GOLGA3: variants seen among roughly 807,000 people sequenced by gnomAD.
The protein encoded by GOLGA3 is golgin A3.
Under a neutral mutation model 169.4 loss-of-function variants are expected in GOLGA3, and 75 were observed. That is an observed-to-expected ratio of 0.44 (90% CI 0.37 to 0.54). The LOEUF is 0.54. Among genes scored for constraint, GOLGA3 ranks in the 20% least tolerant of loss-of-function variants. The probability of loss-of-function intolerance (pLI) is 0.00; values close to 1 mark genes in which losing one functional copy is unlikely to be tolerated. For missense variants in GOLGA3, 1,899 were observed against 1,930.0 expected (o/e 0.98, Z 0.30); for synonymous variants, 824 against 822.4 (o/e 1.00, Z -0.03).
chr12:132,797,996 G>T lies in GOLGA3; in HGVS notation c.1938+344C>A, dbSNP rs1406217484. On this transcript the variant is annotated intron_variant, in intron 9 of 23. Coordinates refer to ENST00000450791, the MANE Select transcript of GOLGA3 (RefSeq NM_001389683.1). The stretch of plus-strand genomic sequence containing the variant: ...CCACTCTGTACCCAGCGCCATCCCT[G>T]ACTGGCAATGACTGACAGCCGGGGG... 2.0e-5 allele frequency among the ~76,000 whole-genome samples: 3 copies of T among 152,232 alleles called. No homozygotes were observed. The East Asian group carries it at 5.8e-4, about 29-fold the overall frequency.
intron 11 of GOLGA3, among the ~76,000 whole-genome samples, chr12:132,794,860 G>A (rs901780113): frequency 6.6e-6 from 1 of 152,214 alleles, no homozygotes; most frequent in African/African-American, 2.4e-5. Flanking sequence ...AGGGAAAACA[G>A]GCTCATGATT....
intron 4 of GOLGA3, among the ~76,000 whole-genome samples, chr12:132,811,325 C>T (rs866987929): frequency 2.0e-4 from 31 of 152,136 alleles, no homozygotes; most frequent in African/African-American, 7.2e-4. Context: ...GCACGCCCCT[C>T]AACAGAGCAG....
At chr12:132,788,388 T>C (rs915231910) in intron 13 of GOLGA3, among the ~76,000 whole-genome samples, 1 of 152,184 alleles carries the variant, frequency 6.6e-6, no homozygotes, top group African/African-American at 2.4e-5. Flanking sequence ...TGATTTCTCG[T>C]CTCACCTCCC....
chr12:132,820,956 T>C (rs1047214430), intron 2 of GOLGA3, among the ~76,000 whole-genome samples: 8 of 150,950 alleles, frequency 5.3e-5, no homozygotes, highest in Non-Finnish European at 1.2e-4. Flanking sequence ...AAAAAATAGC[T>C]GGGTGTGGTG....
chr12:132,787,108 C>T (rs2045942548), intron 13 of GOLGA3, among the ~76,000 whole-genome samples: 1 of 152,088 alleles, frequency 6.6e-6, no homozygotes, highest in Admixed American at 6.5e-5. Context: ...TGCCCGCCAC[C>T]ATGCCCAGCT....
chr12:132,779,787 TACAC>T (rs530987883), intron 18 of GOLGA3, among the ~76,000 whole-genome samples: 8 of 68,786 alleles, frequency 1.2e-4, no homozygotes, highest in Admixed American at 9.5e-4. Flanking sequence ...CCCGTGCACA[TACAC>T]ACACCCCAGG....
intron 1 of GOLGA3, chr12:132,828,446 C>A: frequency 6.6e-6 from 1 of 152,468 alleles, no homozygotes; most frequent in African/African-American, 2.4e-5. Flanking sequence ...ACGAACCACC[C>A]GACACCATGT....
intron 15 of GOLGA3, 109 bp downstream of exon 15, chr12:132,786,230 C>T: frequency 1.4e-6 from 1 of 720,946 alleles, no homozygotes; most frequent in South Asian, 1.9e-5. Flanking sequence ...TTGCCACCTC[C>T]CACGCGAGCT....
At chr12:132,802,148 G>C (rs1392689072) in intron 7 of GOLGA3, among the ~76,000 whole-genome samples, 179 bp from the exon 8 acceptor site, 1 of 152,272 alleles carries the variant, frequency 6.6e-6, no homozygotes, top group Non-Finnish European at 1.5e-5. Flanking sequence ...TGGGCGCTGA[G>C]AGATGCCGCT....
intron 22 of GOLGA3, 144 bp downstream of exon 22, chr12:132,774,997 A>G (rs2045141474): frequency 4.7e-6 from 3 of 633,862 alleles, no homozygotes; most frequent in South Asian, 1.9e-5. Flanking sequence ...CTGTCACCCC[A>G]TTACCACTGA....
chr12:132,775,153 G>C lies in GOLGA3; in HGVS notation c.4131C>G (p.Gly1377=). 6.2e-7 allele frequency: 1 copy of C among 1,613,436 alleles called. No homozygotes were observed. The change falls in exon 22 of 24, where the codon GGC becomes GGG. Residue 1377 remains glycine, a synonymous_variant. Coordinates refer to ENST00000450791, the MANE Select transcript of GOLGA3 (RefSeq NM_001389683.1). The part of the protein sequence containing the change: ...NQQLKLDLRR[G]AAKTRKEPKG... ...CGGGCCTGAGTACCGTCTTGGCCGC[G>C]CCGCGGCGTAGGTCCAGCTTGAGCT...
At chr12:132,813,560 CA>C (rs1174004141) in intron 3 of GOLGA3, 141 bp from the exon 4 acceptor site, 1 of 558,460 alleles carries the variant, frequency 1.8e-6, no homozygotes. Flanking sequence ...TTTGGAAGGA[CA>C]ATTTCTAGAT....
intron 1 of GOLGA3, among the ~76,000 whole-genome samples, chr12:132,827,312 C>T (rs1041071036): frequency 6.6e-6 from 1 of 152,172 alleles, no homozygotes; most frequent in Non-Finnish European, 1.5e-5. Context: ...AGCAAGCAAG[C>T]CTCATGTCAC....
In GOLGA3 at chr12:132,798,321, G is replaced by A; in HGVS notation, c.1938+19C>T. On this transcript the variant is annotated intron_variant, in intron 9 of 23. Coordinates refer to ENST00000450791, the MANE Select transcript of GOLGA3 (RefSeq NM_001389683.1). Reference sequence around the variant, plus strand: ...GCGTCTGTTCTCCTAAGCTTCCACGGCCCCGGCCGCAGCCTCACCTCAATG... The same window carrying A: ...GCGTCTGTTCTCCTAAGCTTCCACGACCCCGGCCGCAGCCTCACCTCAATG... The A allele has an allele frequency of 6.3e-7, 1 of 1,593,078 alleles. No individual in the cohort carries two copies. Among genetic ancestry groups the A allele is most frequent in the Non-Finnish European group, 8.5e-7 (1 of 1,173,312 alleles).
At position 132,771,141 on chromosome 12, in the gene GOLGA3, T is replaced by G. The variant is rs1183416305; in HGVS notation, c.*1964A>C. ...CTGTACAAATGATATATTTTGGAAA[T>G]TCCAATATTTGCTAGAGAATATTTT... On this transcript the variant is annotated 3_prime_UTR_variant, in exon 24 of 24. Coordinates refer to ENST00000450791, the MANE Select transcript of GOLGA3 (RefSeq NM_001389683.1). 6.6e-6 allele frequency: 1 copy of G among 152,654 alleles called. No individual in the cohort carries two copies. The highest frequency in any genetic ancestry group is 1.5e-5 in the Non-Finnish European group (1 of 68,044). 9.5% of individuals were successfully genotyped at this position (152,654 alleles called of 1,614,324 possible).
At chr12:132,802,518 G>C (rs1949182199) in intron 7 of GOLGA3, among the ~76,000 whole-genome samples, 3 of 152,144 alleles carry the variant, frequency 2.0e-5, no homozygotes, top group African/African-American at 7.2e-5. Flanking sequence ...CCAGCCACTT[G>C]GGAGGCTGAG....
chr12:132,773,427 C>G, intron 23 of GOLGA3, 133 bp from the exon 24 acceptor site: 1 of 528,952 alleles, frequency 1.9e-6, no homozygotes, highest in Non-Finnish European at 3.3e-6. Flanking sequence ...CCAACTGAGA[C>G]CACAGAAGCT....
At position 132,777,010 on chromosome 12, in the gene GOLGA3, A is replaced by G. The variant is rs1181441055; in HGVS notation, c.3803T>C (p.Leu1268Pro). ...GAGCTGCTCGTCCAGCTGCTTCTGC[A>G]GGAGCTGGAGCTGTGCCCGGGCCTC... ...LAEARAQLQL[L>P]QKQLDEQLSK... Residue 1268 changes from leucine to proline, a missense_variant, in exon 20 of 24, where the codon CTG becomes CCG. Transcript: ENST00000450791. The surrounding 1 kb of genome is among the most constrained non-coding windows in gnomAD (Gnocchi z 4.7). 1 of 1,611,020 alleles carries G rather than the reference A, an allele frequency of 6.2e-7. No individual in the cohort carries two copies. The highest frequency in any genetic ancestry group is 8.5e-7 in the Non-Finnish European group (1 of 1,178,778).
intron 11 of GOLGA3, among the ~76,000 whole-genome samples, 157 bp from the exon 12 acceptor site, chr12:132,791,450 G>C (rs977361206): frequency 1.3e-5 from 2 of 152,130 alleles, no homozygotes; most frequent in Non-Finnish European, 2.9e-5. Flanking sequence ...GTTACACTGA[G>C]GGCTCCAGGA....
Sources: gnomAD v4.1 joint callset for allele counts (sites outside exome capture counted in the v4.1 genomes callset) on GRCh38, gnomAD v4.1.1 for gene constraint, Gnocchi (gnomAD v3.1) non-coding constraint, MANE v1.5 for transcripts, NCBI Gene and HGNC (gene_info 2026-07-23, HGNC 2026-07-21) for gene names.